Variants in DISP3 observed in about 807,000 individuals in gnomAD.
DISP3 encodes protein dispatched homolog 3.
DISP3 carries 101 observed loss-of-function variants against 135.3 expected under a neutral mutation model. The ratio of observed to expected loss-of-function variants is 0.75; its 90% CI spans 0.64 to 0.88. DISP3 has a LOEUF of 0.88. DISP3 is among the 40% of genes least tolerant of loss of function. DISP3 has a pLI of 0.00. For missense variants in DISP3, 1,713 were observed against 1,878.6 expected, an observed-to-expected ratio of 0.91 and a Z score of 1.63; for synonymous variants, 856 against 817.0, an observed-to-expected ratio of 1.05 and a Z score of -0.81.
Position 11,501,883 on chromosome 1 carries a change from G to T in DISP3, c.891G>T (p.Thr297=). 6.2e-7 allele frequency: 1 copy of T among 1,613,276 alleles called. No individual in the cohort carries two copies. The highest frequency in any genetic ancestry group is 8.5e-7 in the Non-Finnish European group (1 of 1,179,726). The change falls in exon 2 of 21, where the codon ACG becomes ACT. Residue 297 remains threonine, a synonymous_variant. Coordinates refer to ENST00000294484, the MANE Select transcript of DISP3 (RefSeq NM_020780.2). The surrounding 1 kb of genome is among the most constrained non-coding windows in gnomAD (Gnocchi z 4.9). ...RNIFTSERLV[T]IHEIERKIMD... is the part of the protein sequence containing the mutation. ...TTTTCACCAGTGAGCGCCTGGTCAC[G>T]ATCCATGAGATCGAGCGCAAGATCA...
chr1:11,503,729 A>G (rs894411746), intron 3 of DISP3, among the ~76,000 whole-genome samples: 38 of 152,152 alleles, frequency 2.5e-4, no homozygotes, highest in Non-Finnish European at 4.4e-5. Flanking sequence ...TTCTCTCCAT[A>G]TTCCTTAATC....
Position 11,519,296 on chromosome 1 carries a change from C to T in DISP3, c.1890-59C>T. ...TCATCTGATCCTCAGGGCCCTGCCCCACCCTCCCTGGGTACCCAGGACCCT... is the reference window on the plus strand; with the variant it reads ...TCATCTGATCCTCAGGGCCCTGCCCTACCCTCCCTGGGTACCCAGGACCCT... On this transcript the variant is annotated intron_variant, in intron 7 of 20. Transcript: ENST00000294484. The surrounding 1 kb of genome is among the most constrained non-coding windows in gnomAD (Gnocchi z 4.3). 1.3e-6 allele frequency: 2 copies of T among 1,564,108 alleles called. No individual in the cohort carries two copies. The highest frequency in any genetic ancestry group is 1.8e-6 in the Non-Finnish European group (2 of 1,142,582).
At chr1:11,534,604 G>A in intron 18 of DISP3, 64 bp downstream of exon 18, 1 of 1,545,272 alleles carries the variant, frequency 6.5e-7, no homozygotes, top group South Asian at 1.3e-5. Context: ...GGGGCCGGGA[G>A]GGCACAGAGC....
rs1274406371 is a variant in DISP3 at position 11,534,377 on chromosome 1, A to G, written c.3376-4A>G. 4 of 1,614,046 alleles carry G rather than the reference A, an allele frequency of 2.5e-6. No homozygotes were observed. The highest frequency in any genetic ancestry group is 3.4e-6 in the Non-Finnish European group (4 of 1,180,012). On this transcript the variant is annotated splice_polypyrimidine_tract_variant and splice_region_variant and intron_variant, in intron 17 of 20. Coordinates refer to ENST00000294484, the MANE Select transcript of DISP3 (RefSeq NM_020780.2). ...GTCTCACTAGCTCACATCTCTCCCC[A>G]CAGACCACGTACAAGGGCAAATCCT...
rs1053469553 is a variant in DISP3 at position 11,503,034 on chromosome 1, G to C, written c.1316+137G>C. ...TCTTTCCAAATTGGGGCAGAACCAA[G>C]TACATCCTTGCAGTCTCTCTGACAA... is the stretch of plus-strand genomic sequence containing the variant. On this transcript the variant is annotated intron_variant, in intron 3 of 20. Transcript: ENST00000294484. The C allele has an allele frequency of 4.5e-5, 34 of 759,254 alleles. No individual in the cohort carries two copies. The South Asian group carries it at 6.2e-4, about 14-fold the overall frequency. The allele number at this position is 759,254 out of a possible 1,614,324, so 47.0% of individuals were successfully genotyped here.
At chr1:11,492,234 G>A (rs1419093673) in intron 1 of DISP3, among the ~76,000 whole-genome samples, 1 of 152,096 alleles carries the variant, frequency 6.6e-6, no homozygotes, top group Non-Finnish European at 1.5e-5. Context: ...GTGTTAGGGG[G>A]TCGGGTTCTG....
In DISP3 at chr1:11,519,297, A is replaced by G; in HGVS notation, c.1890-58A>G. The G allele has an allele frequency of 6.5e-7, 1 of 1,548,168 alleles. No homozygotes were observed. On this transcript the variant is annotated intron_variant, in intron 7 of 20. Coordinates refer to ENST00000294484, the MANE Select transcript of DISP3 (RefSeq NM_020780.2). The surrounding 1 kb of genome is among the most constrained non-coding windows in gnomAD (Gnocchi z 4.3). ...CATCTGATCCTCAGGGCCCTGCCCC[A>G]CCCTCCCTGGGTACCCAGGACCCTC...
At chr1:11,509,582 A>G (rs1641800662) in intron 3 of DISP3, among the ~76,000 whole-genome samples, 1 of 152,158 alleles carries the variant, frequency 6.6e-6, no homozygotes. Flanking sequence ...CTCTGTTATT[A>G]GCTATAAAAA....
rs1213384896 is a variant in DISP3 at position 11,502,733 on chromosome 1, C to T, written c.1152C>T (p.Gly384=). Residue 384 remains glycine (G), a synonymous_variant, in exon 3 of 21, where the codon GGC becomes GGT. Coordinates refer to ENST00000294484, the MANE Select transcript of DISP3 (RefSeq NM_020780.2). The part of the protein sequence containing the change: ...HPEFYWYVDE[G]LSADNLKSSL... ...AGTTCTACTGGTATGTGGATGAGGG[C>T]CTCTCTGCAGACAATCTGAAGAGCT... 1.2e-6 allele frequency: 2 copies of T among 1,614,162 alleles called. No homozygotes were observed. Among genetic ancestry groups the T allele is most frequent in the Non-Finnish European group, 1.7e-6 (2 of 1,180,024 alleles).
At chr1:11,522,860 A>G (rs367917806) in intron 10 of DISP3, among the ~76,000 whole-genome samples, 1,202 of 51,328 alleles carry the variant, frequency 0.023, no homozygotes, top group African/African-American at 0.041. Flanking sequence ...CCCAGCCAGG[A>G]CCCAGCCAGA....
At chr1:11,496,233 TA>T (rs1641327938) in intron 1 of DISP3, among the ~76,000 whole-genome samples, 1 of 152,212 alleles carries the variant, frequency 6.6e-6, no homozygotes, top group Non-Finnish European at 1.5e-5. Context: ...TGTTCTCTTT[TA>T]AGCAGCTGCC....
intron 1 of DISP3, among the ~76,000 whole-genome samples, chr1:11,488,037 C>T (rs77716762): frequency 0.011 from 1,719 of 152,294 alleles, 27 homozygotes; most frequent in African/African-American, 0.038. Flanking sequence ...TTGGATAACA[C>T]TCCACCATTG....
At chr1:11,504,235 G>C (rs1044344004) in intron 3 of DISP3, among the ~76,000 whole-genome samples, 3 of 152,236 alleles carry the variant, frequency 2.0e-5, no homozygotes, top group African/African-American at 7.2e-5. Context: ...GGTGAGTGCT[G>C]TTATGATTAT....
intron 10 of DISP3, among the ~76,000 whole-genome samples, chr1:11,522,647 C>G (rs1418750407): frequency 1.9e-4 from 23 of 120,526 alleles, no homozygotes; most frequent in Admixed American, 2.4e-4. Context: ...AGAGCCCAGC[C>G]AGGGCCCAGC....
chr1:11,510,412 A>G (rs1641826049), intron 3 of DISP3, among the ~76,000 whole-genome samples: 1 of 152,136 alleles, frequency 6.6e-6, no homozygotes, highest in Admixed American at 6.5e-5. Flanking sequence ...ATATCATTTC[A>G]TATGTAGTAT....
At chr1:11,486,787 C>A (rs1267485392) in intron 1 of DISP3, among the ~76,000 whole-genome samples, 1 of 152,114 alleles carries the variant, frequency 6.6e-6, no homozygotes, top group Non-Finnish European at 1.5e-5. Flanking sequence ...AAGCAATCCT[C>A]CCCCGTCAGC....
intron 20 of DISP3, among the ~76,000 whole-genome samples, chr1:11,536,000 A>T (rs1172178028): frequency 1.3e-5 from 2 of 152,158 alleles, no homozygotes; most frequent in Admixed American, 6.5e-5. Flanking sequence ...TGGTGAGGAC[A>T]TGTTCACATA....
At chr1:11,518,138 ATGG>A (rs1034679140) in intron 7 of DISP3, among the ~76,000 whole-genome samples, 1 of 152,020 alleles carries the variant, frequency 6.6e-6, no homozygotes, top group Non-Finnish European at 1.5e-5. Flanking sequence ...ATGGAGGTGG[ATGG>A]TGGTGGAGTT....
intron 10 of DISP3, among the ~76,000 whole-genome samples, chr1:11,522,018 GGA>G (rs897088126): frequency 1.3e-5 from 2 of 152,152 alleles, no homozygotes; most frequent in African/African-American, 4.8e-5. Flanking sequence ...CAGCGATGGT[GGA>G]GTCAAGAGGT....
Sources: gnomAD v4.1 joint callset for allele counts (sites outside exome capture counted in the v4.1 genomes callset) on GRCh38, gnomAD v4.1.1 for gene constraint, Gnocchi (gnomAD v3.1) non-coding constraint, MANE v1.5 for transcripts, NCBI Gene and HGNC (gene_info 2026-07-23, HGNC 2026-07-21) for gene names.